Variants in CA5A observed in about 807,000 individuals in gnomAD.
CA5A encodes the protein carbonic anhydrase 5A, also known as carbonic anhydrase 5A, mitochondrial.
In CA5A, 28 loss-of-function variants were observed where a neutral mutation model predicts 37.1. The ratio of observed to expected loss-of-function variants is 0.75; its 90% CI spans 0.56 to 1.03. CA5A has a LOEUF of 1.03. Among genes scored for constraint, CA5A ranks in the 50% least tolerant of loss-of-function variants. The probability of loss-of-function intolerance (pLI) is 0.00; values close to 1 mark genes in which losing one functional copy is unlikely to be tolerated. For synonymous variants in CA5A, 171 were observed against 158.4 expected (o/e 1.08, Z -0.60); for missense variants, 444 against 399.9 (o/e 1.11, Z -0.94).
At chr16:87,915,695 A>AT (rs796890972) in intron 2 of CA5A, among the ~76,000 whole-genome samples, 1 of 148,734 alleles carries the variant, frequency 6.7e-6, no homozygotes, top group African/African-American at 2.5e-5. Context: ...TCTCCAAAAA[A>AT]AAAAAAAAAA....
At chr16:87,905,103 G>C (rs2055941036) in intron 2 of CA5A, among the ~76,000 whole-genome samples, 199 bp from the exon 3 acceptor site, 1 of 152,080 alleles carries the variant, frequency 6.6e-6, no homozygotes. Context: ...CCCCAGCCCA[G>C]CGCCTGCCCA....
At chr16:87,929,398 G>A (rs974108606) in intron 1 of CA5A, among the ~76,000 whole-genome samples, 155 of 147,352 alleles carry the variant, frequency 1.1e-3, no homozygotes, top group Middle Eastern at 3.6e-3. Context: ...ATTGCAGTGA[G>A]CAGAGATGGC....
At position 87,895,362 on chromosome 16, in the gene CA5A, A is replaced by G. The variant is rs1386372171; in HGVS notation, c.619-3408T>C. Among the ~76,000 whole-genome samples the G allele has an allele frequency of 2.6e-5, 4 of 152,186 alleles. No individual in the cohort carries two copies. In the South Asian group the frequency reaches 6.2e-4, roughly 24 times the overall value. The stretch of plus-strand genomic sequence containing the variant: ...GGAGTTCGAGACCAGCCTGACCAAC[A>G]TGGCGAAACCATGTCTCTACTAAAA... On this transcript the variant is annotated intron_variant, in intron 5 of 6. Coordinates refer to ENST00000649794, the MANE Select transcript of CA5A (RefSeq NM_001739.2).
At chr16:87,931,619 G>C (rs962414052) in intron 1 of CA5A, among the ~76,000 whole-genome samples, 1 of 152,202 alleles carries the variant, frequency 6.6e-6, no homozygotes, top group African/African-American at 2.4e-5. Context: ...GCTCGCTGGC[G>C]CTGGGGAAGG....
At chr16:87,910,225 C>T (rs1447724632) in intron 2 of CA5A, among the ~76,000 whole-genome samples, 1 of 152,198 alleles carries the variant, frequency 6.6e-6, no homozygotes, top group Admixed American at 6.5e-5. Context: ...CATGAGCTCA[C>T]GTCGTTGTCG....
At chr16:87,896,211 C>T (rs1289539048) in intron 5 of CA5A, among the ~76,000 whole-genome samples, 1 of 152,242 alleles carries the variant, frequency 6.6e-6, no homozygotes, top group Non-Finnish European at 1.5e-5. Flanking sequence ...TGGCCCGTTC[C>T]GAGGTGCGGG....
chr16:87,927,558 C>T (rs752923497), intron 1 of CA5A, among the ~76,000 whole-genome samples: 3 of 152,128 alleles, frequency 2.0e-5, no homozygotes, highest in Non-Finnish European at 4.4e-5. Context: ...AAGTAAGAGC[C>T]ATTAATCGAA....
At position 87,902,511 on chromosome 16, in the gene CA5A, C is replaced by T; in HGVS notation, c.469G>A (p.Val157Ile). ...TGGTATTTCACAGAATTCCAGTGAA[C>T]TAAATGCAGCTGAAACACAATGGAA... is the stretch of plus-strand genomic sequence containing the variant. ...GHAYPAELHL[V>I]HWNSVKYQNY... is the part of the protein sequence containing the mutation. The change falls in exon 4 of 7, where the codon GTT becomes ATT. Residue 157 changes from valine (V) to isoleucine (I), a missense_variant. Physicochemically the swap from Val to Ile is conservative, Grantham distance 29 (BLOSUM62 3). Transcript: ENST00000649794. 9.2e-6 allele frequency: 14 copies of T among 1,521,316 alleles called. No individual in the cohort carries two copies. Among genetic ancestry groups the T allele is most frequent in the Non-Finnish European group, 1.3e-5 (14 of 1,095,456 alleles). 94.2% of individuals were successfully genotyped at this position (1,521,316 alleles called of 1,614,324 possible). A position where few individuals can be genotyped will look rare whatever the true frequency, so the allele number is the denominator to read the frequency against.
At chr16:87,885,378 T>C (rs2055640543), downstream of CA5A, 1 of 152,702 alleles carries the variant, frequency 6.5e-6, no homozygotes, top group Non-Finnish European at 1.5e-5. Flanking sequence ...AAAGAGGATA[T>C]GCAGACGGCC....
intron 2 of CA5A, among the ~76,000 whole-genome samples, chr16:87,910,796 C>T (rs1211743850): frequency 6.6e-6 from 1 of 152,086 alleles, no homozygotes; most frequent in East Asian, 1.9e-4. Flanking sequence ...GTCACCTAGG[C>T]TGGAGTGCAA....
At chr16:87,915,995 C>A (rs1228896903) in intron 2 of CA5A, among the ~76,000 whole-genome samples, 1 of 151,674 alleles carries the variant, frequency 6.6e-6, no homozygotes, top group Non-Finnish European at 1.5e-5. Context: ...CGGCAGAAGG[C>A]GAAAGGCAGG....
At chr16:87,900,409 G>A (rs1321634121) in intron 5 of CA5A, among the ~76,000 whole-genome samples, 1 of 152,218 alleles carries the variant, frequency 6.6e-6, no homozygotes, top group Admixed American at 6.5e-5. Context: ...CGAAGGCCAC[G>A]TACAGATCAA....
intron 2 of CA5A, among the ~76,000 whole-genome samples, chr16:87,918,391 C>A (rs932834380): frequency 6.6e-6 from 1 of 152,048 alleles, no homozygotes; most frequent in African/African-American, 2.4e-5. Flanking sequence ...TCCCTCCTCC[C>A]CCCGCTTTGC....
At position 87,934,915 on chromosome 16, in the gene CA5A, G is replaced by A. The variant is rs985308301; in HGVS notation, c.142+1394C>T. On this transcript the variant is annotated intron_variant, in intron 1 of 6. Transcript: ENST00000649794. ...GCAGAGGCTGCAGTGAGCCGAGATC[G>A]CACCACTGCACTCCAGTCCACAGGT... is the stretch of plus-strand genomic sequence containing the variant. Among the ~76,000 whole-genome samples, 32 of 152,322 alleles carry A rather than the reference G, an allele frequency of 2.1e-4. 1 individual carries two copies. Among genetic ancestry groups the A allele is most frequent in the Admixed American group, 1.6e-3 (25 of 15,294 alleles).
chr16:87,906,223 T>G (rs554949765), intron 2 of CA5A, among the ~76,000 whole-genome samples: 1 of 91,766 alleles, frequency 1.1e-5, no homozygotes, highest in African/African-American at 5.9e-5. Flanking sequence ...CCCATAGCTG[T>G]GGAGGAGCCT....
chr16:87,930,683 G>A lies in CA5A; in HGVS notation c.143-3738C>T, dbSNP rs144884463. ...CAGGGTGGTTCTGAGAGGGGCTGCT[G>A]CTACCCCACTGGGCAGGAGAGGGAG... On this transcript the variant is annotated intron_variant, in intron 1 of 6. Coordinates refer to ENST00000649794, the MANE Select transcript of CA5A (RefSeq NM_001739.2). Among the ~76,000 whole-genome samples the A allele has an allele frequency of 6.5e-4, 99 of 152,052 alleles. 1 individual carries two copies. The East Asian group carries it at 0.013, about 20-fold the overall frequency.
At chr16:87,917,123 AAAAGAAAAG>A (rs1477640776) in intron 2 of CA5A, among the ~76,000 whole-genome samples, 69 of 76,750 alleles carry the variant, frequency 9.0e-4, no homozygotes, top group African/African-American at 2.1e-3. Context: ...AAAAAAAAAG[AAAAGAAAAG>A]AAAGAAAAGA....
chr16:87,890,407 G>A (rs1453011484), intron 6 of CA5A, among the ~76,000 whole-genome samples: 2 of 152,118 alleles, frequency 1.3e-5, no homozygotes, highest in African/African-American at 4.8e-5. Context: ...AGGCCCGGGA[G>A]ACTGAAAGAC....
intron 2 of CA5A, among the ~76,000 whole-genome samples, chr16:87,905,509 C>G (rs1421689843): frequency 6.6e-6 from 1 of 152,106 alleles, no homozygotes; most frequent in Non-Finnish European, 1.5e-5. Flanking sequence ...CAGGCATGTG[C>G]CACCAGGCCA....
Sources: allele counts gnomAD v4.1 joint callset (sites outside exome capture counted in the v4.1 genomes callset), GRCh38; gene constraint gnomAD v4.1.1; transcripts MANE v1.5; gene names NCBI Gene and HGNC (gene_info 2026-07-23, HGNC 2026-07-21).